CDKL5: variants seen among roughly 807,000 people sequenced by gnomAD.
The protein encoded by CDKL5 is cyclin dependent kinase like 5, also known as cyclin-dependent kinase-like 5.
CDKL5 carries 8 observed loss-of-function variants against 61.7 expected under a neutral mutation model. The ratio of observed to expected loss-of-function variants is 0.13; its 90% CI spans 0.08 to 0.23. The LOEUF is 0.23. CDKL5 is among the 10% of genes least tolerant of loss of function. CDKL5 has a pLI of 1.00. For missense variants in CDKL5, 440 were observed against 734.5 expected, an observed-to-expected ratio of 0.60 and a Z score of 4.63; for synonymous variants, 275 against 272.3, an observed-to-expected ratio of 1.01 and a Z score of -0.10.
chrX:18,465,610 A>G (rs1018339468), intron 1 of CDKL5, among the ~76,000 whole-genome samples: 1 of 111,599 alleles, frequency 9.0e-6, no homozygotes, highest in Admixed American at 9.6e-5. Flanking sequence ...GGGAGGTTGC[A>G]GTCAGCCGAG....
chrX:18,648,022 C>G (rs1927858957), intron 20 of CDKL5, among the ~76,000 whole-genome samples: 1 of 111,253 alleles, frequency 9.0e-6, no homozygotes, highest in African/African-American at 3.3e-5. Flanking sequence ...TTCCTCTCGT[C>G]TGTATGTCCC....
chrX:18,481,371 T>TCTTTCTTTCTTTC, intron 1 of CDKL5, among the ~76,000 whole-genome samples: 1 of 95,899 alleles, frequency 1.0e-5, no homozygotes, highest in African/African-American at 3.9e-5. Context: ...TTTCTTTCTT[T>TCTTTCTTTCTTTC]TGAGGCAGGG....
chrX:18,650,084 C>T (rs1170876506), intron 20 of CDKL5: 2 of 325,362 alleles, frequency 6.1e-6, no homozygotes, highest in East Asian at 1.3e-4. Context: ...TGGCACTTTG[C>T]TCTTCTTCAT....
chrX:18,464,527 CTTTTTT>C (rs947252179), intron 1 of CDKL5, among the ~76,000 whole-genome samples: 1 of 111,621 alleles, frequency 9.0e-6, no homozygotes, highest in Non-Finnish European at 1.9e-5. Flanking sequence ...CTGTCTTTCT[CTTTTTT>C]TTATTTTACC....
chrX:18,457,160 G>A (rs1239698951), intron 1 of CDKL5, among the ~76,000 whole-genome samples: 1 of 110,209 alleles, frequency 9.1e-6, no homozygotes, highest in Non-Finnish European at 1.9e-5. Context: ...TTCTAGACTT[G>A]CCTTTTTCTG....
chrX:18,523,608 C>T (rs751244627), intron 3 of CDKL5, among the ~76,000 whole-genome samples: 26 of 111,799 alleles, frequency 2.3e-4, no homozygotes, highest in East Asian at 5.6e-4. Context: ...ATTGAGTATT[C>T]GTGCTGTTAC....
At chrX:18,495,626 C>T (rs929086595) in intron 1 of CDKL5, among the ~76,000 whole-genome samples, 1 of 111,825 alleles carries the variant, frequency 8.9e-6, no homozygotes, top group African/African-American at 3.3e-5. Flanking sequence ...CCCCTTCCTG[C>T]CTCTTGCGAG....
chrX:18,609,411 C>T (rs1408898197), intron 13 of CDKL5, 54 bp from the exon 14 acceptor site: 4 of 1,208,283 alleles, frequency 3.3e-6, no homozygotes, highest in Middle Eastern at 2.3e-4. Flanking sequence ...AAGTCATAGG[C>T]AATATTGTCA....
intron 1 of CDKL5, among the ~76,000 whole-genome samples, chrX:18,433,449 C>T (rs1180256477): frequency 1.8e-5 from 2 of 111,333 alleles, no homozygotes; most frequent in Non-Finnish European, 3.8e-5. Flanking sequence ...ACTCGGGAGC[C>T]TGAGGCAGAA....
intron 1 of CDKL5, among the ~76,000 whole-genome samples, chrX:18,431,078 G>A (rs1031048438): frequency 9.1e-6 from 1 of 109,456 alleles, no homozygotes; most frequent in African/African-American, 3.3e-5. Context: ...TGGCCAAGTG[G>A]TCTCGAACTC....
Position 18,549,711 on chromosome X carries a change from G to A in CDKL5, c.100-14766G>A, listed in dbSNP as rs186691186. Among the ~76,000 whole-genome samples, 10 of 111,211 alleles carry A rather than the reference G, an allele frequency of 9.0e-5. No individual in the cohort carries two copies. The Admixed American group carries it at 9.6e-4, about 11-fold the overall frequency. ...CAGAGTTAGAGCAGGCAGGTGGTCA[G>A]GTATATATTTCTTGTCATTCCCCGC... On this transcript the variant is annotated intron_variant, in intron 3 of 17. Transcript: ENST00000623535.
chrX:18,642,217 C>G, downstream of CDKL5: 1 of 1,132,965 alleles, frequency 8.8e-7, no homozygotes, highest in African/African-American at 1.8e-5. Context: ...AAGAAGGGTT[C>G]CTTTCTGGAG....
intron 3 of CDKL5, among the ~76,000 whole-genome samples, chrX:18,512,836 G>A (rs1250768406): frequency 1.8e-5 from 2 of 110,589 alleles, no homozygotes; most frequent in African/African-American, 6.5e-5. Context: ...AAAATTCCTG[G>A]GTGGATATTA....
At chrX:18,488,755 C>A (rs987947107) in intron 1 of CDKL5, among the ~76,000 whole-genome samples, 1 of 111,635 alleles carries the variant, frequency 9.0e-6, no homozygotes, top group African/African-American at 3.3e-5. Context: ...CTCCTCTCAG[C>A]CAAGGGCACT....
intron 3 of CDKL5, among the ~76,000 whole-genome samples, chrX:18,542,339 C>T (rs1213866039): frequency 8.9e-6 from 1 of 111,868 alleles, no homozygotes; most frequent in Non-Finnish European, 1.9e-5. Context: ...GACATGTTCT[C>T]TTCGCAGCAT....
chrX:18,505,147 C>A (rs1446068337), intron 1 of CDKL5, among the ~76,000 whole-genome samples: 2 of 110,592 alleles, frequency 1.8e-5, no homozygotes, highest in Non-Finnish European at 3.8e-5. Flanking sequence ...CTTCCTATAC[C>A]CTTGACCTAG....
At position 18,604,425 on chromosome X, in the gene CDKL5, C is replaced by G. The variant is rs1926284197; in HGVS notation, c.1501C>G (p.Leu501Val). 1.7e-6 allele frequency: 2 copies of G among 1,211,657 alleles called. No homozygotes were observed. The highest frequency in any genetic ancestry group is 2.2e-6 in the Non-Finnish European group (2 of 895,396). Residue 501 changes from leucine (L) to valine (V), a missense_variant, in exon 12 of 18, where the codon CTT becomes GTT. Around this residue, in one of 2 missense-constraint regions of CDKL5, gnomAD observed 363 missense variants for 516.3 expected, o/e 0.70. Transcript: ENST00000623535. Reference sequence around the variant, plus strand: ...GAGTGACTCCAAGTCTGTGAGCAACCTTTCTGAAGCCAGGGCCCAAATTGC... The same window carrying G: ...GAGTGACTCCAAGTCTGTGAGCAACGTTTCTGAAGCCAGGGCCCAAATTGC... The part of the protein sequence containing the change: ...ALSDSKSVSN[L>V]SEARAQIAEP...
chrX:18,475,032 C>T (rs1325553226), intron 1 of CDKL5, among the ~76,000 whole-genome samples: 1 of 107,981 alleles, frequency 9.3e-6, no homozygotes, highest in African/African-American at 3.4e-5. Flanking sequence ...TCTCAGCTCA[C>T]TGCAACCGCT....
intron 1 of CDKL5, among the ~76,000 whole-genome samples, chrX:18,430,208 T>C (rs1166343200): frequency 8.9e-6 from 1 of 112,551 alleles, no homozygotes; most frequent in Non-Finnish European, 1.9e-5. Flanking sequence ...TAGTTGTTTC[T>C]AATTAGCTAC....
Sources: allele counts gnomAD v4.1 joint callset (sites outside exome capture counted in the v4.1 genomes callset), GRCh38; gene constraint gnomAD v4.1.1; regional missense constraint gnomAD v4.1.1; transcripts MANE v1.5; gene names NCBI Gene and HGNC (gene_info 2026-07-23, HGNC 2026-07-21).